The following DCC variants were observed in gnomAD, a reference collection of about 807,000 sequenced individuals.
DCC encodes the protein netrin receptor DCC.
A neutral mutation model predicts 172.5 loss-of-function variants in DCC; 58 were observed. That is an observed-to-expected ratio of 0.34 (90% CI 0.27 to 0.42). The LOEUF (loss-of-function observed/expected upper bound fraction) is 0.42, where lower values mean the gene tolerates loss of function less well. Ranked by LOEUF, DCC falls within the 10% of genes least tolerant of loss-of-function variation. The pLI, the probability that DCC is intolerant of heterozygous loss-of-function variation, is 1.00. For missense variants in DCC, 1,740 were observed against 1,791.0 expected (o/e 0.97, Z 0.51); for synonymous variants, 709 against 644.5 (o/e 1.10, Z -1.52).
chr18:52,514,481 C>G (rs550825741), intron 1 of DCC, among the ~76,000 whole-genome samples: 1 of 152,176 alleles, frequency 6.6e-6, no homozygotes, highest in African/African-American at 2.4e-5. Flanking sequence ...TGTCTCCAGA[C>G]ATTACCAAAT....
intron 9 of DCC, among the ~76,000 whole-genome samples, chr18:53,199,063 A>C (rs2055494461): frequency 6.8e-6 from 1 of 147,398 alleles, no homozygotes; most frequent in South Asian, 2.3e-4. Context: ...CATTGTTAAA[A>C]ATTTTTTTTC....
Position 53,363,888 on chromosome 18 carries a change from G to A in DCC, c.2360-22155G>A, listed in dbSNP as rs552504965. 4.6e-4 allele frequency among the ~76,000 whole-genome samples: 70 copies of A among 152,204 alleles called. No individual in the cohort carries two copies. In the South Asian group the frequency reaches 0.014, roughly 31 times the overall value. ...CACTGAGAGTCAGTGAGCAGACTAA[G>A]GTTTGAATATTACTATCCATGAGAT... On this transcript the variant is annotated intron_variant, in intron 15 of 28. Coordinates refer to ENST00000442544, the MANE Select transcript of DCC (RefSeq NM_005215.4).
chr18:52,990,430 CTTG>C (rs2041366644), intron 5 of DCC, among the ~76,000 whole-genome samples: 1 of 151,120 alleles, frequency 6.6e-6, no homozygotes, highest in South Asian at 2.1e-4. Flanking sequence ...ATCCCAGCTA[CTTG>C]GGAGGCTGAG....
intron 2 of DCC, among the ~76,000 whole-genome samples, chr18:52,798,070 G>GCTTGCACAAAGGCTA (rs1156800360): frequency 2.6e-5 from 4 of 151,670 alleles, no homozygotes; most frequent in African/African-American, 9.7e-5. Context: ...CACGAAGGTT[G>GCTTGCACAAAGGCTA]CTTGCACAAA....
intron 8 of DCC, among the ~76,000 whole-genome samples, chr18:53,173,746 C>T (rs1395904009): frequency 6.8e-6 from 1 of 146,490 alleles, no homozygotes; most frequent in Non-Finnish European, 1.5e-5. Flanking sequence ...TTTAACACCC[C>T]ACTGTCAACA....
chr18:53,142,807 T>C (rs1418859746), intron 7 of DCC, among the ~76,000 whole-genome samples: 1 of 152,220 alleles, frequency 6.6e-6, no homozygotes, highest in East Asian at 1.9e-4. Context: ...ATTAATATCA[T>C]TTTTCTGTCT....
intron 1 of DCC, among the ~76,000 whole-genome samples, chr18:52,698,868 C>T (rs1484891702): frequency 2.6e-5 from 4 of 151,542 alleles, no homozygotes; most frequent in African/African-American, 9.7e-5. Flanking sequence ...CTTGGCCTCC[C>T]AAAGTGCTGG....
chr18:53,406,442 C>T (rs35114981), intron 19 of DCC, among the ~76,000 whole-genome samples: 63,868 of 151,032 alleles, frequency 0.42, 15,260 homozygotes, highest in Non-Finnish European at 0.55. Context: ...TAGTAGCTCA[C>T]GCCTGTAGTC....
chr18:52,613,524 G>T (rs1385120083), intron 1 of DCC, among the ~76,000 whole-genome samples: 2 of 152,056 alleles, frequency 1.3e-5, no homozygotes, highest in Non-Finnish European at 2.9e-5. Flanking sequence ...CAAAGTGCTG[G>T]GATTACAGGG....
chr18:52,686,354 A>G (rs2035834742), intron 1 of DCC, among the ~76,000 whole-genome samples: 1 of 152,144 alleles, frequency 6.6e-6, no homozygotes, highest in South Asian at 2.1e-4. Flanking sequence ...AGAACTCTAC[A>G]TGACTGGCTA....
chr18:52,369,088 C>T (rs970267709), intron 1 of DCC, among the ~76,000 whole-genome samples: 3 of 151,944 alleles, frequency 2.0e-5, no homozygotes, highest in East Asian at 1.9e-4. Flanking sequence ...TTTCTTTGTA[C>T]GAAAAACCGG....
At chr18:53,295,404 A>C (rs2144758315) in intron 12 of DCC, among the ~76,000 whole-genome samples, 1 of 152,278 alleles carries the variant, frequency 6.6e-6, no homozygotes, top group Non-Finnish European at 1.5e-5. Context: ...AGATTTACAT[A>C]GTTTATAAAA....
intron 1 of DCC, among the ~76,000 whole-genome samples, chr18:52,360,300 C>A (rs1984562836): frequency 6.6e-6 from 1 of 152,182 alleles, no homozygotes; most frequent in African/African-American, 2.4e-5. Context: ...CTTTAATTTC[C>A]TCTGAAGAAG....
intron 1 of DCC, among the ~76,000 whole-genome samples, chr18:52,483,600 A>T (rs1023289893): frequency 6.6e-6 from 1 of 152,026 alleles, no homozygotes; most frequent in Admixed American, 6.6e-5. Context: ...AGTCTAAGCA[A>T]TTTTCATGTC....
At chr18:52,990,593 CA>C (rs1748457585) in intron 5 of DCC, among the ~76,000 whole-genome samples, 3 of 120,562 alleles carry the variant, frequency 2.5e-5, no homozygotes, top group Admixed American at 1.7e-4. Flanking sequence ...GCCACAATTA[CA>C]AAAATGATCA....
chr18:53,339,561 A>G (rs1189593086), intron 14 of DCC, 152 bp from the exon 15 acceptor site: 2 of 698,702 alleles, frequency 2.9e-6, no homozygotes, highest in South Asian at 1.6e-5. Flanking sequence ...CATAGAAAAT[A>G]TATCATATGC....
chr18:52,929,277 C>G (rs2040265865), intron 5 of DCC, among the ~76,000 whole-genome samples: 1 of 152,112 alleles, frequency 6.6e-6, no homozygotes, highest in Non-Finnish European at 1.5e-5. Context: ...GGCATCCGAC[C>G]AAAGAGTCTT....
intron 1 of DCC, among the ~76,000 whole-genome samples, chr18:52,554,166 T>A (rs926224319): frequency 6.6e-6 from 1 of 152,002 alleles, no homozygotes; most frequent in African/African-American, 2.4e-5. Context: ...AAAGTAGAAA[T>A]GGCCTCAAGT....
intron 12 of DCC, among the ~76,000 whole-genome samples, chr18:53,302,006 C>A (rs542396843): frequency 6.6e-6 from 1 of 152,156 alleles, no homozygotes; most frequent in Admixed American, 6.5e-5. Context: ...GATTTGGTTT[C>A]TTCTGAGGCC....
Sources: allele counts gnomAD v4.1 joint callset (sites outside exome capture counted in the v4.1 genomes callset), GRCh38; gene constraint gnomAD v4.1.1; transcripts MANE v1.5; gene names NCBI Gene and HGNC (gene_info 2026-07-23, HGNC 2026-07-21).